Variants in GRAMD1B observed in about 807,000 individuals in gnomAD.
GRAMD1B encodes the protein GRAM domain containing 1B, also known as protein Aster-B.
GRAMD1B carries 37 observed loss-of-function variants against 99.7 expected under a neutral mutation model. The ratio of observed to expected loss-of-function variants is 0.37; its 90% CI spans 0.29 to 0.49. The LOEUF (loss-of-function observed/expected upper bound fraction) is 0.49, where lower values mean the gene tolerates loss of function less well. Among genes scored for constraint, GRAMD1B ranks in the 20% least tolerant of loss-of-function variants. The pLI, the probability that GRAMD1B is intolerant of heterozygous loss-of-function variation, is 0.98. For synonymous variants in GRAMD1B, 427 were observed against 387.6 expected, an observed-to-expected ratio of 1.10 and a Z score of -1.19; for missense variants, 888 against 1,009.2, an observed-to-expected ratio of 0.88 and a Z score of 1.63.
intron 2 of GRAMD1B, among the ~76,000 whole-genome samples, chr11:123,493,067 T>C (rs1938778815): frequency 6.6e-6 from 1 of 152,078 alleles, no homozygotes; most frequent in Non-Finnish European, 1.5e-5. Flanking sequence ...CAGATAATGG[T>C]AGAATAAGGA....
At chr11:123,588,607 T>C (rs1328083813) in intron 4 of GRAMD1B, among the ~76,000 whole-genome samples, 1 of 152,132 alleles carries the variant, frequency 6.6e-6, no homozygotes, top group Non-Finnish European at 1.5e-5. Context: ...AAAATGGACT[T>C]GCTACGTTTG....
intron 1 of GRAMD1B, among the ~76,000 whole-genome samples, chr11:123,386,785 C>T (rs967364909): frequency 6.6e-6 from 1 of 152,192 alleles, no homozygotes; most frequent in Admixed American, 6.5e-5. Context: ...CAGAAAGCTG[C>T]CCAGTCCCCA....
chr11:123,393,059 C>G (rs560769570), intron 1 of GRAMD1B, among the ~76,000 whole-genome samples: 95 of 152,248 alleles, frequency 6.2e-4, no homozygotes, highest in African/African-American at 2.1e-3. Flanking sequence ...ATTTCTAAAC[C>G]CTGCTCTGTG....
chr11:123,464,683 G>A (rs920945750), intron 1 of GRAMD1B, among the ~76,000 whole-genome samples: 1 of 152,196 alleles, frequency 6.6e-6, no homozygotes, highest in Non-Finnish European at 1.5e-5. Context: ...AAAGTTTCCA[G>A]GTGATTCTTA....
At chr11:123,602,526 T>A (rs1301596654) in intron 8 of GRAMD1B, among the ~76,000 whole-genome samples, 2 of 151,650 alleles carry the variant, frequency 1.3e-5, no homozygotes, top group African/African-American at 2.4e-5. Flanking sequence ...TTTTTTTTTT[T>A]AAAGATAATG....
Position 123,456,154 on chromosome 11 carries a change from G to A in GRAMD1B, c.375-24662G>A, listed in dbSNP as rs573188635. Among the ~76,000 whole-genome samples, 5 of 152,030 alleles carry A rather than the reference G, an allele frequency of 3.3e-5. No homozygotes were observed. The East Asian group carries it at 5.8e-4, about 18-fold the overall frequency. On this transcript the variant is annotated intron_variant, in intron 1 of 19. Coordinates refer to ENST00000635736, the MANE Select transcript of GRAMD1B (RefSeq NM_001387025.1). The stretch of plus-strand genomic sequence containing the variant: ...TGCACCACTGTACTCCAGCCTGGGC[G>A]ACAGAGAGAGACTGTCTCAAAAACA...
At chr11:123,523,039 C>T (rs1249453914) in intron 2 of GRAMD1B, among the ~76,000 whole-genome samples, 1 of 152,094 alleles carries the variant, frequency 6.6e-6, no homozygotes, top group Non-Finnish European at 1.5e-5. Context: ...CAAATTAAGG[C>T]ACTACAGTTA....
chr11:123,583,017 T>C (rs1395077183), intron 3 of GRAMD1B, among the ~76,000 whole-genome samples: 2 of 150,076 alleles, frequency 1.3e-5, no homozygotes, highest in African/African-American at 4.9e-5. Flanking sequence ...AGTGTGTGCG[T>C]GTGTATGTGT....
chr11:123,387,794 G>A (rs933733088), intron 1 of GRAMD1B, among the ~76,000 whole-genome samples: 1 of 121,176 alleles, frequency 8.3e-6, no homozygotes, highest in Non-Finnish European at 1.6e-5. Flanking sequence ...CAAATAACAA[G>A]GCCCACAAAT....
rs1175230535 is a variant in GRAMD1B at position 123,472,223 on chromosome 11, G to A, written c.375-8593G>A. 4.2e-5 allele frequency among the ~76,000 whole-genome samples: 6 copies of A among 142,552 alleles called. No homozygotes were observed. The Admixed American group carries it at 4.4e-4, about 10-fold the overall frequency. 93.5% of individuals were successfully genotyped at this position (142,552 alleles called of 152,430 possible). A position where few individuals can be genotyped will look rare whatever the true frequency, so the allele number is the denominator to read the frequency against. On this transcript the variant is annotated intron_variant, in intron 1 of 19. Coordinates refer to ENST00000635736, the MANE Select transcript of GRAMD1B (RefSeq NM_001387025.1). Reference sequence around the variant, plus strand: ...AGCCTGGGCAATGGAGCAAGACTCTGTCTCAAAAAAAAAAAAAGAGAAAAA... The same window carrying A: ...AGCCTGGGCAATGGAGCAAGACTCTATCTCAAAAAAAAAAAAAGAGAAAAA...
At chr11:123,413,514 T>TG (rs1278236925) in intron 1 of GRAMD1B, among the ~76,000 whole-genome samples, 4 of 141,578 alleles carry the variant, frequency 2.8e-5, no homozygotes, top group African/African-American at 1.1e-4. Flanking sequence ...TTGCCCATAT[T>TG]TTTTTTTTAA....
intron 1 of GRAMD1B, among the ~76,000 whole-genome samples, chr11:123,369,566 T>C (rs1946449715): frequency 6.6e-6 from 1 of 151,986 alleles, no homozygotes; most frequent in African/African-American, 2.4e-5. Context: ...TTTATTTAAT[T>C]TTTGTTAAAA....
intron 1 of GRAMD1B, among the ~76,000 whole-genome samples, chr11:123,402,164 T>C (rs1307242272): frequency 1.3e-5 from 2 of 152,160 alleles, no homozygotes; most frequent in African/African-American, 2.4e-5. Flanking sequence ...TACAGGTGTG[T>C]GCCACCACAC....
intron 1 of GRAMD1B, among the ~76,000 whole-genome samples, chr11:123,451,801 GTTTA>G (rs1422810823): frequency 6.6e-6 from 1 of 151,590 alleles, no homozygotes; most frequent in East Asian, 1.9e-4. Context: ...ATGTAGTCTA[GTTTA>G]TTTATTATTC....
chr11:123,504,833 C>T (rs1940258912), intron 2 of GRAMD1B, among the ~76,000 whole-genome samples: 1 of 152,124 alleles, frequency 6.6e-6, no homozygotes, highest in African/African-American at 2.4e-5. Context: ...AGGCGTGCAC[C>T]ACCAGGCCCA....
intron 2 of GRAMD1B, among the ~76,000 whole-genome samples, chr11:123,513,153 C>T (rs1378694169): frequency 1.3e-5 from 2 of 152,174 alleles, no homozygotes; most frequent in African/African-American, 4.8e-5. Context: ...CTCAGGCTTC[C>T]CTTTTTATTT....
At chr11:123,585,477 A>G (rs1353050888) in intron 4 of GRAMD1B, among the ~76,000 whole-genome samples, 1 of 152,196 alleles carries the variant, frequency 6.6e-6, no homozygotes, top group Non-Finnish European at 1.5e-5. Flanking sequence ...CCTGCCCAGC[A>G]CCGCAAACAA....
At chr11:123,394,622 T>G (rs1947394952) in intron 1 of GRAMD1B, among the ~76,000 whole-genome samples, 1 of 152,236 alleles carries the variant, frequency 6.6e-6, no homozygotes, top group Non-Finnish European at 1.5e-5. Flanking sequence ...CCATTCTAAG[T>G]ATGTTCATGA....
intron 2 of GRAMD1B, among the ~76,000 whole-genome samples, chr11:123,517,101 G>T (rs1312895147): frequency 6.6e-6 from 1 of 151,984 alleles, no homozygotes; most frequent in African/African-American, 2.4e-5. Flanking sequence ...TGTGTTTTTA[G>T]TGGAGACGGG....
Sources: gnomAD v4.1 joint callset for allele counts (sites outside exome capture counted in the v4.1 genomes callset) on GRCh38, gnomAD v4.1.1 for gene constraint, MANE v1.5 for transcripts, NCBI Gene and HGNC (gene_info 2026-07-23, HGNC 2026-07-21) for gene names.